SPADH: variants seen among roughly 807,000 people sequenced by gnomAD.
The protein encoded by SPADH is spermadhesin family member, also known as CUB domain-containing protein.
At chr10:122,673,112 A>C in the SPADH span, among the ~76,000 whole-genome samples, 2 of 152,234 alleles carry the variant, frequency 1.3e-5, no homozygotes, top group Admixed American at 1.3e-4. Flanking sequence ...GAAAATATCT[A>C]TGTCATTGTG....
At chr10:122,673,673 A>G in the SPADH span, among the ~76,000 whole-genome samples, 1 of 151,536 alleles carries the variant, frequency 6.6e-6, no homozygotes, top group African/African-American at 2.4e-5. Context: ...CATTCTCCCC[A>G]CCTTCTTTCT....
At chr10:122,674,003 T>A in the SPADH span, among the ~76,000 whole-genome samples, 1 of 152,234 alleles carries the variant, frequency 6.6e-6, no homozygotes, top group Non-Finnish European at 1.5e-5. Context: ...CAGTGAGGCC[T>A]TAGGGCAACT....
chr10:122,679,015 A>G, the SPADH span: 1 of 985,342 alleles, frequency 1.0e-6, no homozygotes, highest in Non-Finnish European at 1.2e-6. Context: ...TCTTTGAAAT[A>G]TATTACTTTG....
chr10:122,675,721 A>C, the SPADH span: 1 of 849,300 alleles, frequency 1.2e-6, no homozygotes, highest in South Asian at 5.4e-5. Context: ...ACACAGAGAC[A>C]CTGTTTTGGG....
the SPADH span, chr10:122,676,763 T>C: frequency 1.0e-6 from 1 of 985,336 alleles, no homozygotes; most frequent in Non-Finnish European, 1.2e-6. Context: ...TAGCACCCAG[T>C]GACTGTGGGG....
At chr10:122,676,262 A>C in the SPADH span, among the ~76,000 whole-genome samples, 31 of 152,214 alleles carry the variant, frequency 2.0e-4, no homozygotes, top group Admixed American at 2.0e-3. Flanking sequence ...CCACTCAAGG[A>C]AAGTGCTCTT....
the SPADH span, among the ~76,000 whole-genome samples, chr10:122,677,798 T>C: frequency 6.6e-6 from 1 of 152,082 alleles, no homozygotes; most frequent in African/African-American, 2.4e-5. Context: ...CTGCCTCAAA[T>C]ACGGGGCTTA....
the SPADH span, chr10:122,678,973 G>A: frequency 1.0e-6 from 1 of 985,178 alleles, no homozygotes; most frequent in Non-Finnish European, 1.2e-6. Flanking sequence ...TCACCATCAA[G>A]TACTCCAGAG....
the SPADH span, chr10:122,679,130 A>G: frequency 4.2e-6 from 2 of 475,238 alleles, no homozygotes; most frequent in Admixed American, 6.4e-5. Flanking sequence ...GACAGAGGCT[A>G]TACCTGGGAC....
At chr10:122,679,465 A>T in the SPADH span, among the ~76,000 whole-genome samples, 2 of 150,986 alleles carry the variant, frequency 1.3e-5, no homozygotes, top group Admixed American at 6.6e-5. Flanking sequence ...CTATATGAAT[A>T]TATAATCCTA....
At chr10:122,676,956 A>C in the SPADH span, 1 of 967,456 alleles carries the variant, frequency 1.0e-6, no homozygotes, top group Admixed American at 6.2e-5. Flanking sequence ...TCCCATCTTG[A>C]CCTCATATGG....
the SPADH span, among the ~76,000 whole-genome samples, chr10:122,674,832 C>T: frequency 3.3e-5 from 5 of 152,144 alleles, no homozygotes; most frequent in Non-Finnish European, 7.4e-5. Context: ...AATCAAGATG[C>T]CCATTGTATA....
chr10:122,674,406 A>G, the SPADH span, among the ~76,000 whole-genome samples: 1 of 152,216 alleles, frequency 6.6e-6, no homozygotes. Flanking sequence ...AATCTAGATG[A>G]AAGGAATTTA....
chr10:122,672,872 C>T, the SPADH span: 12 of 985,284 alleles, frequency 1.2e-5, no homozygotes, highest in Non-Finnish European at 1.4e-5. Flanking sequence ...GGTGCCAGGC[C>T]CTGCTGAGGA....
chr10:122,677,608 C>G, the SPADH span, among the ~76,000 whole-genome samples: 16 of 152,298 alleles, frequency 1.1e-4, no homozygotes, highest in African/African-American at 3.9e-4. Context: ...TCACAGATTT[C>G]AGCATGGAAA....
At chr10:122,678,838 C>G in the SPADH span, 5 of 975,314 alleles carry the variant, frequency 5.1e-6, no homozygotes, top group Admixed American at 3.1e-4. Flanking sequence ...GCCTTTTCTT[C>G]TGACCCAGAG....
the SPADH span, among the ~76,000 whole-genome samples, chr10:122,678,662 G>A: frequency 1.3e-5 from 2 of 152,052 alleles, no homozygotes; most frequent in African/African-American, 4.8e-5. Flanking sequence ...GATGGAGGGG[G>A]TGCTCGGGCC....
At chr10:122,676,744 C>T in the SPADH span, 2 of 985,416 alleles carry the variant, frequency 2.0e-6, no homozygotes, top group Non-Finnish European at 2.4e-6. Context: ...GGCCCCGTTT[C>T]TCCTCTTGTA....
the SPADH span, chr10:122,676,814 T>C: frequency 1.6e-5 from 16 of 985,192 alleles, no homozygotes; most frequent in Non-Finnish European, 1.8e-5. Flanking sequence ...TCAACTACGC[T>C]GGGCCGAAAA....
Sources: gnomAD v4.1 joint callset for allele counts (sites outside exome capture counted in the v4.1 genomes callset) on GRCh38, gnomAD v4.1.1 for gene constraint, MANE v1.5 for transcripts, NCBI Gene and HGNC (gene_info 2026-07-23, HGNC 2026-07-21) for gene names.